CADPS2: variants seen among roughly 807,000 people sequenced by gnomAD.
The protein encoded by CADPS2 is calcium-dependent secretion activator 2.
CADPS2 carries 93 observed loss-of-function variants against 172.5 expected under a neutral mutation model. That is an observed-to-expected ratio of 0.54 (90% CI 0.46 to 0.64). The LOEUF (loss-of-function observed/expected upper bound fraction) is 0.64. Among genes scored for constraint, CADPS2 ranks in the 30% least tolerant of loss-of-function variants. The pLI is 0.00. For missense variants in CADPS2, 1,420 were observed against 1,565.9 expected, an observed-to-expected ratio of 0.91 and a Z score of 1.57; for synonymous variants, 546 against 555.2, an observed-to-expected ratio of 0.98 and a Z score of 0.23.
chr7:122,434,435 C>G (rs996955924), intron 17 of CADPS2, among the ~76,000 whole-genome samples: 13 of 152,006 alleles, frequency 8.6e-5, no homozygotes, highest in African/African-American at 3.1e-4. Context: ...AAAATTTGAC[C>G]AAAATGAGAA....
At chr7:122,574,469 G>A (rs1217786766) in intron 7 of CADPS2, among the ~76,000 whole-genome samples, 618 of 24,880 alleles carry the variant, frequency 0.025, no homozygotes, top group Non-Finnish European at 0.032. Flanking sequence ...AAAAAAAAAA[G>A]TATATTTCTC....
chr7:122,504,351 T>C (rs2059451824), intron 9 of CADPS2, among the ~76,000 whole-genome samples: 1 of 151,902 alleles, frequency 6.6e-6, no homozygotes, highest in African/African-American at 2.4e-5. Context: ...TCTTTTTGAG[T>C]CTTAGAAGAA....
intron 6 of CADPS2, among the ~76,000 whole-genome samples, chr7:122,604,840 G>T (rs2073281592): frequency 6.6e-6 from 1 of 152,074 alleles, no homozygotes; most frequent in Non-Finnish European, 1.5e-5. Context: ...CTACAGTCAT[G>T]CATTGCTTAA....
In CADPS2 at chr7:122,382,026, G is replaced by A. The variant is rs79861592; in HGVS notation, c.3313-2584C>T. On this transcript the variant is annotated intron_variant, in intron 24 of 29. Transcript: ENST00000449022. Reference sequence around the variant, plus strand: ...GTGGAGGTCGTATAGGCACATGAGTGTGAGAGAAAAGATGGCCCGAGAATT... The same window carrying A: ...GTGGAGGTCGTATAGGCACATGAGTATGAGAGAAAAGATGGCCCGAGAATT... 3.9e-5 allele frequency among the ~76,000 whole-genome samples: 6 copies of A among 152,198 alleles called. No homozygotes were observed. The East Asian group carries it at 1.2e-3, about 30-fold the overall frequency.
At chr7:122,537,025 T>A (rs1254375878) in intron 8 of CADPS2, among the ~76,000 whole-genome samples, 1 of 151,594 alleles carries the variant, frequency 6.6e-6, no homozygotes, top group Non-Finnish European at 1.5e-5. Flanking sequence ...TTTTTGAGGG[T>A]GGAGGATGGG....
chr7:122,716,294 G>T (rs960958185), intron 2 of CADPS2, among the ~76,000 whole-genome samples: 1 of 152,018 alleles, frequency 6.6e-6, no homozygotes, highest in South Asian at 2.1e-4. Context: ...CTAACATGTG[G>T]CATATGTACT....
chr7:122,441,004 AT>A (rs1554524840), intron 16 of CADPS2, among the ~76,000 whole-genome samples: 1 of 152,096 alleles, frequency 6.6e-6, no homozygotes, highest in Non-Finnish European at 1.5e-5. Context: ...GGGGAGAAAC[AT>A]TTCTATAATA....
intron 1 of CADPS2, among the ~76,000 whole-genome samples, chr7:122,876,228 G>A (rs1353814012): frequency 6.6e-6 from 1 of 152,194 alleles, no homozygotes; most frequent in Non-Finnish European, 1.5e-5. Context: ...GCTGAGGCAG[G>A]AGAATCACTT....
intron 12 of CADPS2, among the ~76,000 whole-genome samples, chr7:122,477,940 CT>C (rs747992195): frequency 1.3e-5 from 2 of 152,196 alleles, no homozygotes; most frequent in Non-Finnish European, 2.9e-5. Context: ...CATTTCCTCC[CT>C]GCCATCTTTC....
chr7:122,879,365 G>C (rs577702586), intron 1 of CADPS2, among the ~76,000 whole-genome samples: 1 of 151,230 alleles, frequency 6.6e-6, no homozygotes, highest in East Asian at 2.0e-4. Flanking sequence ...GTGAAACCCC[G>C]TCTCTACCAA....
In CADPS2 at chr7:122,490,279, G is replaced by C. The variant is rs745552426; in HGVS notation, c.1654C>G (p.Leu552Val). 2 of 1,612,064 alleles carry C rather than the reference G, an allele frequency of 1.2e-6. No individual in the cohort carries two copies. Among genetic ancestry groups the C allele is most frequent in the Admixed American group, 1.7e-5 (1 of 59,832 alleles). Residue 552 changes from leucine (L) to valine (V), a missense_variant and splice_region_variant, in exon 11 of 30, where the codon CTT (leucine) becomes GTT (valine). Physicochemically the swap from Leu to Val is conservative, Grantham distance 32. Transcript: ENST00000449022. The part of the protein sequence containing the change: ...TVDYTDPHPG[L>V]QGGCMFFNAV... ...TTAAAGAACATACAACCACCCTGAA[G>C]GCCTGTGGAGGAAACAAAAAGACAT...
At chr7:122,780,053 C>G (rs1792274076) in intron 1 of CADPS2, among the ~76,000 whole-genome samples, 1 of 152,046 alleles carries the variant, frequency 6.6e-6, no homozygotes, top group South Asian at 2.1e-4. Flanking sequence ...ATTTTTGGTT[C>G]TTTCCATAAT....
chr7:122,744,467 C>G (rs576754795), intron 1 of CADPS2, among the ~76,000 whole-genome samples: 54 of 152,238 alleles, frequency 3.5e-4, no homozygotes, highest in Non-Finnish European at 5.9e-4. Context: ...AAATGTTCAT[C>G]TTAATTTATT....
rs574229107 is a variant in CADPS2 at position 122,573,192 on chromosome 7, T to C, written c.1335+7987A>G. 2.6e-5 allele frequency among the ~76,000 whole-genome samples: 4 copies of C among 152,200 alleles called. No individual in the cohort carries two copies. In the South Asian group the frequency reaches 8.3e-4, roughly 32 times the overall value. On this transcript the variant is annotated intron_variant, in intron 7 of 29. Transcript: ENST00000449022. ...GGAAGTGTTTAAAATACTCCCTCCT[T>C]GGCATACCCCAAACCAACTAAAGGA...
chr7:122,849,633 T>A, intron 1 of CADPS2: 1 of 271,548 alleles, frequency 3.7e-6, no homozygotes, highest in South Asian at 3.3e-5. Context: ...AGCATTTATA[T>A]GTTTACTACT....
At chr7:122,491,246 A>G in intron 10 of CADPS2, 66 bp downstream of exon 10, 1 of 1,044,100 alleles carries the variant, frequency 9.6e-7, no homozygotes, top group Non-Finnish European at 1.4e-6. Context: ...TAGAACAGAC[A>G]AAGGATATTT....
chr7:122,652,588 T>C (rs779338287), intron 3 of CADPS2, among the ~76,000 whole-genome samples: 1 of 152,216 alleles, frequency 6.6e-6, no homozygotes, highest in Non-Finnish European at 1.5e-5. Flanking sequence ...TGTTCCTTTT[T>C]ATAATATCCT....
At chr7:122,472,293 G>A (rs1440969824) in intron 13 of CADPS2, among the ~76,000 whole-genome samples, 1 of 143,016 alleles carries the variant, frequency 7.0e-6, no homozygotes. Context: ...AAGGGGGCAG[G>A]GTAATCATGT....
At chr7:122,774,288 A>G (rs1453772716) in intron 1 of CADPS2, among the ~76,000 whole-genome samples, 2 of 150,736 alleles carry the variant, frequency 1.3e-5, no homozygotes, top group Non-Finnish European at 3.0e-5. Flanking sequence ...ACACACACAC[A>G]CACACACACA....
Sources: allele counts gnomAD v4.1 joint callset (sites outside exome capture counted in the v4.1 genomes callset), GRCh38; gene constraint gnomAD v4.1.1; transcripts MANE v1.5; gene names NCBI Gene and HGNC (gene_info 2026-07-23, HGNC 2026-07-21).